Variants in TATDN2 observed in about 807,000 individuals in gnomAD.
TATDN2 encodes the protein TatD DNase domain containing 2, also known as 3'-5' RNA nuclease TATDN2.
Under a neutral mutation model 60.3 loss-of-function variants are expected in TATDN2, and 44 were observed. The observed-to-expected ratio is 0.73, with a 90% CI of 0.57 to 0.94. The LOEUF (loss-of-function observed/expected upper bound fraction) is 0.94. Among genes scored for constraint, TATDN2 ranks in the 40% least tolerant of loss-of-function variants. The pLI is 0.00. For missense variants in TATDN2, 997 were observed against 948.0 expected (o/e 1.05, Z -0.68); for synonymous variants, 399 against 355.8 (o/e 1.12, Z -1.37).
intron 2 of TATDN2, among the ~76,000 whole-genome samples, chr3:10,253,542 A>G (rs1698260912): frequency 6.6e-6 from 1 of 152,196 alleles, no homozygotes; most frequent in Non-Finnish European, 1.5e-5. Flanking sequence ...AGAGGAGACT[A>G]ACTGTGTGAC....
Position 10,279,661 on chromosome 3 carries a change from G to A in TATDN2, c.*479G>A, listed in dbSNP as rs534951457. ...GGAAACTTTTTGGGGGAAATTAACT[G>A]GACACCTATCTCGGAGGTTTATTTT... On this transcript the variant is annotated 3_prime_UTR_variant, in exon 8 of 8. Coordinates refer to ENST00000448281, the MANE Select transcript of TATDN2 (RefSeq NM_014760.4). 6.6e-6 allele frequency: 1 copy of A among 152,162 alleles called. No homozygotes were observed. The highest frequency in any genetic ancestry group is 6.5e-5 in the Admixed American group (1 of 15,282). 9.4% of individuals were successfully genotyped at this position (152,162 alleles called of 1,614,324 possible). A position where few individuals can be genotyped will look rare whatever the true frequency, so the allele number is the denominator to read the frequency against.
intron 5 of TATDN2, among the ~76,000 whole-genome samples, chr3:10,277,533 A>G (rs935120040): frequency 1.2e-4 from 18 of 152,202 alleles, no homozygotes; most frequent in African/African-American, 4.3e-4. Context: ...CAAGGACTCT[A>G]GCACCCAAAT....
rs898642947 is a variant in TATDN2 at position 10,274,567 on chromosome 3, A to C, written c.1834-1794A>C. Reference sequence around the variant, plus strand: ...TTTAGAGGCAGGAATGAAATGTTGGAATTGGAATCTCTTGAAACCTCTGCT... The same window carrying C: ...TTTAGAGGCAGGAATGAAATGTTGGCATTGGAATCTCTTGAAACCTCTGCT... On this transcript the variant is annotated intron_variant, in intron 4 of 7. Transcript: ENST00000448281. 2.0e-5 allele frequency among the ~76,000 whole-genome samples: 3 copies of C among 152,176 alleles called. 1 individual carries two copies. Among genetic ancestry groups the C allele is most frequent in the Non-Finnish European group, 4.4e-5 (3 of 68,040 alleles).
At chr3:10,273,216 T>C (rs967788757) in intron 4 of TATDN2, among the ~76,000 whole-genome samples, 3 of 152,160 alleles carry the variant, frequency 2.0e-5, no homozygotes, top group African/African-American at 7.2e-5. Flanking sequence ...GGGAGAGGGC[T>C]AAGCTGCCTG....
intron 2 of TATDN2, 120 bp from the exon 3 acceptor site, chr3:10,260,017 T>A (rs1254774450): frequency 2.5e-6 from 3 of 1,213,666 alleles, no homozygotes; most frequent in East Asian, 5.0e-5. Flanking sequence ...AACCTTTGCC[T>A]TAGCCACAGT....
intron 2 of TATDN2, among the ~76,000 whole-genome samples, chr3:10,257,081 G>A (rs1378748209): frequency 6.6e-6 from 1 of 150,520 alleles, no homozygotes; most frequent in African/African-American, 2.5e-5. Flanking sequence ...GATCACTTGA[G>A]GTTAGGCCAA....
intron 3 of TATDN2, among the ~76,000 whole-genome samples, chr3:10,267,780 T>C (rs1414107539): frequency 6.6e-6 from 1 of 152,226 alleles, no homozygotes; most frequent in African/African-American, 2.4e-5. Context: ...CCAATTATTT[T>C]GCAGACATGT....
intron 3 of TATDN2, among the ~76,000 whole-genome samples, chr3:10,269,928 G>T (rs1698531516): frequency 1.3e-5 from 2 of 152,274 alleles, no homozygotes; most frequent in South Asian, 4.1e-4. Flanking sequence ...CAATACAGCT[G>T]TTCACAGCAG....
At chr3:10,257,556 G>A (rs1485722779) in intron 2 of TATDN2, among the ~76,000 whole-genome samples, 2 of 147,562 alleles carry the variant, frequency 1.4e-5, no homozygotes, top group Non-Finnish European at 3.0e-5. Flanking sequence ...TTGAACCTGG[G>A]GGACGGAGGT....
chr3:10,261,880 G>C (rs1698410203), intron 3 of TATDN2, among the ~76,000 whole-genome samples: 1 of 152,120 alleles, frequency 6.6e-6, no homozygotes, highest in Non-Finnish European at 1.5e-5. Context: ...CCACACCCAG[G>C]GACACATTAG....
intron 2 of TATDN2, among the ~76,000 whole-genome samples, chr3:10,256,495 A>G (rs1429288829): frequency 6.6e-6 from 1 of 151,676 alleles, no homozygotes; most frequent in Non-Finnish European, 1.5e-5. Context: ...TTTTTATTGA[A>G]CGCTAAACCC....
intron 4 of TATDN2, among the ~76,000 whole-genome samples, chr3:10,274,965 A>AG (rs1288287805): frequency 1.3e-5 from 2 of 151,670 alleles, no homozygotes; most frequent in African/African-American, 4.8e-5. Context: ...CATTAATATG[A>AG]GGTAATTTGC....
At chr3:10,273,459 A>G (rs1033250658) in intron 4 of TATDN2, among the ~76,000 whole-genome samples, 1 of 152,172 alleles carries the variant, frequency 6.6e-6, no homozygotes, top group Non-Finnish European at 1.5e-5. Flanking sequence ...GAAGGGAAGA[A>G]GAAGAACCTA....
At chr3:10,265,681 CAA>C (rs60093055) in intron 3 of TATDN2, among the ~76,000 whole-genome samples, 1,013 of 62,642 alleles carry the variant, frequency 0.016, 3 homozygotes, top group African/African-American at 0.041. Context: ...GACTCCGTCT[CAA>C]AAAAAAAAAA....
At chr3:10,260,816 C>A in intron 3 of TATDN2, 146 bp downstream of exon 3, 2 of 947,956 alleles carry the variant, frequency 2.1e-6, no homozygotes, top group Non-Finnish European at 1.5e-6. Flanking sequence ...TGGTTTTCTT[C>A]TAACATACTT....
Position 10,270,282 on chromosome 3 carries a change from A to G in TATDN2, c.1100A>G (p.Tyr367Cys), listed in dbSNP as rs1698539701. The change falls in exon 4 of 8, where the codon TAT becomes TGT. Residue 367 changes from tyrosine (Y) to cysteine (C), a missense_variant. By Grantham distance (194) the Tyr-to-Cys change is radical. Coordinates refer to ENST00000448281, the MANE Select transcript of TATDN2 (RefSeq NM_014760.4). Reference sequence around the variant, plus strand: ...GAGCCTTCTTCCTTCACCACCGACTATGTCATGTACCCTCCTCATTTGTAC... The same window carrying G: ...GAGCCTTCTTCCTTCACCACCGACTGTGTCATGTACCCTCCTCATTTGTAC... ...VPEPSSFTTD[Y>C]VMYPPHLYSS... The G allele has an allele frequency of 2.5e-6, 4 of 1,614,038 alleles. No individual in the cohort carries two copies. The highest frequency in any genetic ancestry group is 2.2e-5 in the South Asian group (2 of 91,080).
Position 10,249,122 on chromosome 3 carries a change from C to T in TATDN2, c.-7+55C>T, listed in dbSNP as rs1698178949. 6.1e-6 allele frequency: 9 copies of T among 1,476,232 alleles called. No individual in the cohort carries two copies. In the Admixed American group the frequency reaches 1.9e-4, roughly 32 times the overall value. 91.4% of individuals were successfully genotyped at this position (1,476,232 alleles called of 1,614,324 possible). A position where few individuals can be genotyped will look rare whatever the true frequency, so the allele number is the denominator to read the frequency against. Reference sequence around the variant, plus strand: ...TTATGTCTTGCCGTCCTCCTGGGCCCGGGGTGGCGGGAATCTGAGGTGGGG... The same window carrying T: ...TTATGTCTTGCCGTCCTCCTGGGCCTGGGGTGGCGGGAATCTGAGGTGGGG... On this transcript the variant is annotated intron_variant, in intron 1 of 7. Transcript: ENST00000448281.
chr3:10,270,342 C>T lies in TATDN2; in HGVS notation c.1160C>T (p.Thr387Ile), dbSNP rs756468484. 6.2e-7 allele frequency: 1 copy of T among 1,614,036 alleles called. No individual in the cohort carries two copies. The highest frequency in any genetic ancestry group is 1.7e-5 in the Admixed American group (1 of 59,996). Reference protein sequence around the residue: ...SPWCDYASYWTSSPKPSSYPS... With the variant: ...SPWCDYASYWISSPKPSSYPS... ...TGGTGTGACTACGCCAGCTATTGGA[C>T]CAGCAGCCCCAAGCCTTCTAGCTAC... is the stretch of plus-strand genomic sequence containing the variant. The change falls in exon 4 of 8, where the codon ACC (threonine) becomes ATC (isoleucine). Residue 387 changes from threonine to isoleucine, a missense_variant. Physicochemically the swap from Thr to Ile is moderately conservative, Grantham distance 89. Coordinates refer to ENST00000448281, the MANE Select transcript of TATDN2 (RefSeq NM_014760.4).
intron 4 of TATDN2, among the ~76,000 whole-genome samples, chr3:10,272,015 C>T (rs931031999): frequency 6.6e-6 from 1 of 152,228 alleles, no homozygotes; most frequent in Non-Finnish European, 1.5e-5. Context: ...CAGACCTGAG[C>T]CACTGCGCCC....
Sources: gnomAD v4.1 joint callset for allele counts (sites outside exome capture counted in the v4.1 genomes callset) on GRCh38, gnomAD v4.1.1 for gene constraint, MANE v1.5 for transcripts, NCBI Gene and HGNC (gene_info 2026-07-23, HGNC 2026-07-21) for gene names.